The following ERC2 variants were observed in gnomAD, a reference collection of about 807,000 sequenced individuals.
ERC2 encodes ELKS/RAB6-interacting/CAST family member 2.
ERC2 carries 42 observed loss-of-function variants against 114.8 expected under a neutral mutation model. That is an observed-to-expected ratio of 0.37 (90% CI 0.29 to 0.47). The LOEUF is 0.47. ERC2 is among the 20% of genes least tolerant of loss of function. The pLI, the probability that ERC2 is intolerant of heterozygous loss-of-function variation, is 0.99. For synonymous variants in ERC2, 454 were observed against 425.5 expected (o/e 1.07, Z -0.82); for missense variants, 939 against 1,150.7 (o/e 0.82, Z 2.66).
At chr3:56,121,318 G>A (rs372976198) in intron 6 of ERC2, among the ~76,000 whole-genome samples, 19 of 152,044 alleles carry the variant, frequency 1.2e-4, no homozygotes, top group East Asian at 1.9e-4. Flanking sequence ...GCATTAACTC[G>A]TATTGTCTTT....
chr3:55,558,237 A>G (rs995603198), intron 17 of ERC2, among the ~76,000 whole-genome samples: 1 of 152,216 alleles, frequency 6.6e-6, no homozygotes, highest in South Asian at 2.1e-4. Flanking sequence ...AATAGGTAGA[A>G]CAATGTCTGG....
Position 55,624,409 on chromosome 3 carries a change from A to G in ERC2, c.*39+59385T>C, listed in dbSNP as rs1169261982. ...AGGGACACAGAGAACGTGGTGTTTC[A>G]GGAAGGTGAACATGGCTGGGGCATG... On this transcript the variant is annotated intron_variant, in intron 17 of 17. Transcript: ENST00000288221. 2.0e-5 allele frequency among the ~76,000 whole-genome samples: 3 copies of G among 152,190 alleles called. No individual in the cohort carries two copies. In the East Asian group the frequency reaches 5.8e-4, roughly 29 times the overall value.
intron 6 of ERC2, among the ~76,000 whole-genome samples, chr3:56,106,488 G>T (rs1259657191): frequency 6.6e-6 from 1 of 152,170 alleles, no homozygotes; most frequent in Non-Finnish European, 1.5e-5. Flanking sequence ...AGGGGGAGGG[G>T]CCTTTAACTT....
intron 3 of ERC2, among the ~76,000 whole-genome samples, chr3:56,230,011 G>A (rs1020945102): frequency 1.7e-4 from 25 of 151,504 alleles, no homozygotes; most frequent in African/African-American, 5.6e-4. Flanking sequence ...GATTACAGGC[G>A]CCTGCCACCA....
intron 4 of ERC2, among the ~76,000 whole-genome samples, chr3:56,156,879 T>C (rs577997410): frequency 4.6e-5 from 7 of 152,260 alleles, no homozygotes; most frequent in Admixed American, 1.3e-4. Context: ...TTTTGGAGGA[T>C]TGGGGAACAC....
intron 1 of ERC2, among the ~76,000 whole-genome samples, chr3:56,440,264 C>T (rs2062226022): frequency 6.6e-6 from 1 of 152,184 alleles, no homozygotes. Flanking sequence ...CTGAATGCGG[C>T]CGGGCGAGGT....
At chr3:55,617,016 G>A (rs1211876971) in intron 17 of ERC2, among the ~76,000 whole-genome samples, 3 of 152,128 alleles carry the variant, frequency 2.0e-5, no homozygotes, top group Non-Finnish European at 4.4e-5. Context: ...AGGCTTTGCC[G>A]ATGGAAGGCA....
intron 3 of ERC2, among the ~76,000 whole-genome samples, chr3:56,227,049 C>T (rs1275046360): frequency 6.6e-6 from 1 of 152,160 alleles, no homozygotes; most frequent in African/African-American, 2.4e-5. Flanking sequence ...GATCCCACCA[C>T]ATTCTCATCA....
At position 56,422,352 on chromosome 3, in the gene ERC2, A is replaced by T. The variant is rs148461301; in HGVS notation, c.657+11999T>A. Among the ~76,000 whole-genome samples, 594 of 152,248 alleles carry T rather than the reference A, an allele frequency of 3.9e-3. 3 individuals carry two copies. The highest frequency in any genetic ancestry group is 0.013 in the African/African-American group (535 of 41,540). On this transcript the variant is annotated intron_variant, in intron 2 of 17. Coordinates refer to ENST00000288221, the MANE Select transcript of ERC2 (RefSeq NM_015576.3). ...TGCCAGGCCTTTAATGAGCATCCTG[A>T]GAGATAATCTCCCTCATTCCTTTGC... is the stretch of plus-strand genomic sequence containing the variant.
chr3:56,229,056 C>A (rs567856331), intron 3 of ERC2, among the ~76,000 whole-genome samples: 1 of 152,118 alleles, frequency 6.6e-6, no homozygotes, highest in Non-Finnish European at 1.5e-5. Context: ...CAGAACTTCA[C>A]GTACTTTGTT....
chr3:55,747,806 C>T (rs1429544411), intron 14 of ERC2, among the ~76,000 whole-genome samples: 7 of 152,206 alleles, frequency 4.6e-5, no homozygotes, highest in East Asian at 1.9e-4. Flanking sequence ...TAGAACTATG[C>T]GTCTACATAC....
intron 12 of ERC2, among the ~76,000 whole-genome samples, chr3:55,975,813 A>G (rs749675765): frequency 2.2e-4 from 34 of 152,070 alleles, no homozygotes; most frequent in Non-Finnish European, 4.1e-4. Context: ...GTTTCTTCTG[A>G]GCATGCCTTC....
chr3:56,123,191 T>C (rs143900222), intron 6 of ERC2, among the ~76,000 whole-genome samples: 2 of 152,166 alleles, frequency 1.3e-5, no homozygotes, highest in African/African-American at 4.8e-5. Flanking sequence ...CCAAAATTCA[T>C]ATGTTGAAAT....
chr3:55,670,416 A>C (rs1169659250), intron 17 of ERC2, among the ~76,000 whole-genome samples: 1 of 152,224 alleles, frequency 6.6e-6, no homozygotes. Flanking sequence ...ACGATTCTTA[A>C]AGAAATGGGC....
chr3:55,882,876 A>T (rs79370613), intron 14 of ERC2, among the ~76,000 whole-genome samples: 5,761 of 152,240 alleles, frequency 0.038, 153 homozygotes, highest in Non-Finnish European at 0.062. Context: ...AATACACCAC[A>T]CTTTCCATGT....
intron 15 of ERC2, among the ~76,000 whole-genome samples, chr3:55,725,404 T>TC (rs2064850495): frequency 6.6e-6 from 1 of 152,196 alleles, no homozygotes; most frequent in East Asian, 1.9e-4. Flanking sequence ...AAAGGTGGGC[T>TC]ACAGATTGCC....
At chr3:56,060,524 C>G (rs1039010858) in intron 7 of ERC2, among the ~76,000 whole-genome samples, 1 of 152,218 alleles carries the variant, frequency 6.6e-6, no homozygotes, top group African/African-American at 2.4e-5. Context: ...GGCAATCATA[C>G]ACATTCTGTC....
chr3:55,836,507 G>T (rs1399334650), intron 14 of ERC2, among the ~76,000 whole-genome samples: 10 of 152,168 alleles, frequency 6.6e-5, no homozygotes, highest in Non-Finnish European at 1.2e-4. Context: ...ATGGGGAAAG[G>T]ATTCTCTATT....
intron 6 of ERC2, among the ~76,000 whole-genome samples, chr3:56,131,807 A>T (rs1302329306): frequency 6.6e-6 from 1 of 152,200 alleles, no homozygotes; most frequent in African/African-American, 2.4e-5. Context: ...ACAATAATTT[A>T]TTGTATACTT....
Sources: allele counts gnomAD v4.1 joint callset (sites outside exome capture counted in the v4.1 genomes callset), GRCh38; gene constraint gnomAD v4.1.1; transcripts MANE v1.5; gene names NCBI Gene and HGNC (gene_info 2026-07-23, HGNC 2026-07-21).